Variants in ZFP91 observed in about 807,000 individuals in gnomAD.
ZFP91 encodes ZFP91 zinc finger protein, atypical E3 ubiquitin ligase.
In ZFP91, 7 loss-of-function variants were observed where a neutral mutation model predicts 63.5. The observed-to-expected ratio is 0.11, with a 90% CI of 0.06 to 0.21. The LOEUF (loss-of-function observed/expected upper bound fraction) is 0.21, where lower values mean the gene tolerates loss of function less well. Among genes scored for constraint, ZFP91 ranks in the 10% least tolerant of loss-of-function variants. The pLI is 1.00. For synonymous variants in ZFP91, 330 were observed against 272.1 expected (o/e 1.21, Z -2.10); for missense variants, 628 against 736.6 (o/e 0.85, Z 1.71).
chr11:58,614,172 T>C, intron 8 of ZFP91, 57 bp from the exon 9 acceptor site: 2 of 1,134,002 alleles, frequency 1.8e-6, no homozygotes, highest in Non-Finnish European at 2.5e-6. Context: ...CAAAGACAAG[T>C]ACTTTCAGGA....
At chr11:58,597,034 A>G (rs1467210187) in intron 2 of ZFP91, among the ~76,000 whole-genome samples, 1 of 152,206 alleles carries the variant, frequency 6.6e-6, no homozygotes, top group Non-Finnish European at 1.5e-5. Context: ...TGTTAAATTC[A>G]TGAGGTAACC....
At chr11:58,603,776 G>T (rs973029973) in intron 2 of ZFP91, among the ~76,000 whole-genome samples, 6 of 152,160 alleles carry the variant, frequency 3.9e-5, no homozygotes, top group African/African-American at 4.8e-5. Context: ...CTAGGTTTTG[G>T]ACTAACTTGG....
Position 58,614,225 on chromosome 11 carries a change from T to C in ZFP91, c.988-4T>C, listed in dbSNP as rs1458703567. Reference sequence around the variant, plus strand: ...TTTCGCCCCTTTCACTTTCTCTGTTTTAGCACCACATTAAATACCAGCATT... The same window carrying C: ...TTTCGCCCCTTTCACTTTCTCTGTTCTAGCACCACATTAAATACCAGCATT... On this transcript the variant is annotated splice_polypyrimidine_tract_variant and splice_region_variant and intron_variant, in intron 8 of 10. Coordinates refer to ENST00000316059, the MANE Select transcript of ZFP91 (RefSeq NM_053023.5). The C allele has an allele frequency of 6.3e-7, 1 of 1,587,748 alleles. No homozygotes were observed. The highest frequency in any genetic ancestry group is 1.4e-5 in the African/African-American group (1 of 73,970).
chr11:58,615,005 G>A (rs1216056427), intron 9 of ZFP91, among the ~76,000 whole-genome samples: 3 of 152,150 alleles, frequency 2.0e-5, no homozygotes, highest in Non-Finnish European at 4.4e-5. Flanking sequence ...GTCTTAGAGA[G>A]TAAGTCTAGG....
chr11:58,611,688 G>A lies in ZFP91; in HGVS notation c.807G>A (p.Glu269=). The A allele has an allele frequency of 1.2e-6, 2 of 1,612,370 alleles. No homozygotes were observed. Among genetic ancestry groups the A allele is most frequent in the Non-Finnish European group, 1.7e-6 (2 of 1,179,138 alleles). Residue 269 remains glutamate, a synonymous_variant, in exon 6 of 11, where the codon GAG becomes GAA. Coordinates refer to ENST00000316059, the MANE Select transcript of ZFP91 (RefSeq NM_053023.5). ...AAATTAAAGTGGAAGTAGAGGTGGAGGTGAAAGAAGAGGAGAATGAAATTA... is the reference window on the plus strand; with the variant it reads ...AAATTAAAGTGGAAGTAGAGGTGGAAGTGAAAGAAGAGGAGAATGAAATTA... The part of the protein sequence containing the change: ...KKEIKVEVEV[E]VKEEENEIRE...
At chr11:58,584,563 A>G (rs1367450806) in intron 1 of ZFP91, among the ~76,000 whole-genome samples, 1 of 152,154 alleles carries the variant, frequency 6.6e-6, no homozygotes, top group East Asian at 1.9e-4. Context: ...TTTGAATGAT[A>G]TTCTAGCTCT....
intron 1 of ZFP91, among the ~76,000 whole-genome samples, chr11:58,584,192 T>G (rs1386549670): frequency 3.3e-5 from 5 of 152,126 alleles, no homozygotes; most frequent in African/African-American, 1.2e-4. Context: ...GCAAGTTACA[T>G]TTACTTGTGA....
intron 2 of ZFP91, among the ~76,000 whole-genome samples, chr11:58,607,881 G>A (rs1855594275): frequency 6.6e-6 from 1 of 151,848 alleles, no homozygotes; most frequent in Non-Finnish European, 1.5e-5. Context: ...TTTGACAGAG[G>A]GTTAGGTTGT....
intron 2 of ZFP91, among the ~76,000 whole-genome samples, chr11:58,602,681 T>C (rs1855510100): frequency 6.6e-6 from 1 of 152,174 alleles, no homozygotes; most frequent in African/African-American, 2.4e-5. Flanking sequence ...CATTGAGAAA[T>C]AGGGGCTTTG....
In ZFP91 at chr11:58,579,447, C is replaced by G. The variant is rs1855047439; in HGVS notation, c.166C>G (p.Arg56Gly). 2.8e-6 allele frequency: 4 copies of G among 1,446,990 alleles called. No individual in the cohort carries two copies. The highest frequency in any genetic ancestry group is 5.8e-5 in the East Asian group (2 of 34,348). The allele number at this position is 1,446,990 out of a possible 1,614,324, so 89.6% of individuals were successfully genotyped here. A position where few individuals can be genotyped will look rare whatever the true frequency, so the allele number is the denominator to read the frequency against. ...SSRVLRGGRD[R>G]GRAAAAAAAA... is the part of the protein sequence containing the mutation. ...CCGCGTGCTGAGGGGAGGTCGGGAC[C>G]GAGGCCGGGCCGCTGCGGCCGCCGC... The change falls in exon 1 of 11, where the codon CGA becomes GGA. Residue 56 changes from arginine to glycine, a missense_variant. Arg to Gly is a moderately radical substitution (Grantham distance 125). Transcript: ENST00000316059.
At chr11:58,581,887 G>A (rs2134385841) in intron 1 of ZFP91, among the ~76,000 whole-genome samples, 1 of 152,232 alleles carries the variant, frequency 6.6e-6, no homozygotes, top group Admixed American at 6.5e-5. Flanking sequence ...TGAATTCTTA[G>A]CGCCACCCGC....
chr11:58,612,731 TG>T lies in ZFP91; in HGVS notation c.909-30del. 6 of 1,579,540 alleles carry T rather than the reference TG, an allele frequency of 3.8e-6. No individual in the cohort carries two copies. The Admixed American group carries it at 7.4e-5, about 19-fold the overall frequency. ...GTGCAGAGTACCACTTTTTTTTTTT[TG>T]CTAACTTTTCTTCTGCATTTTGATA... On this transcript the variant is annotated intron_variant, in intron 7 of 10. Transcript: ENST00000316059.
At position 58,617,361 on chromosome 11, in the gene ZFP91, G is replaced by T; in HGVS notation, c.1368G>T (p.Val456=). ...ACAAGGCAAAAAGCCACCCTGAGGT[G>T]CTGATTGCAGAAGCTCTGGCTGCCA... is the stretch of plus-strand genomic sequence containing the variant. ...VAHKAKSHPE[V]LIAEALAANA... is the part of the protein sequence containing the mutation. Residue 456 remains valine (V), a synonymous_variant, in exon 11 of 11, where the codon GTG becomes GTT. Transcript: ENST00000316059. The surrounding 1 kb of genome is among the most constrained non-coding windows in gnomAD (Gnocchi z 4.2). The T allele has an allele frequency of 6.2e-7, 1 of 1,613,904 alleles. No homozygotes were observed. The highest frequency in any genetic ancestry group is 1.3e-5 in the African/African-American group (1 of 75,044).
intron 3 of ZFP91, 89 bp from the exon 4 acceptor site, chr11:58,610,209 C>G (rs1039720582): frequency 6.9e-7 from 1 of 1,444,156 alleles, no homozygotes; most frequent in African/African-American, 1.4e-5. Flanking sequence ...TTACCCCATG[C>G]AGTAATTTGA....
chr11:58,598,316 C>G (rs1855436995), intron 2 of ZFP91, among the ~76,000 whole-genome samples: 1 of 152,008 alleles, frequency 6.6e-6, no homozygotes, highest in African/African-American at 2.4e-5. Flanking sequence ...CATGACATAA[C>G]TTAATTTTTC....
intron 2 of ZFP91, among the ~76,000 whole-genome samples, chr11:58,607,529 G>A (rs1855588181): frequency 6.6e-6 from 1 of 152,056 alleles, no homozygotes; most frequent in African/African-American, 2.4e-5. Flanking sequence ...AATGGAAAAA[G>A]ACAGCTGAAA....
At chr11:58,587,781 A>AT (rs1215750309) in intron 2 of ZFP91, among the ~76,000 whole-genome samples, 2 of 151,586 alleles carry the variant, frequency 1.3e-5, no homozygotes, top group Non-Finnish European at 2.9e-5. Context: ...ATGAAGCCTA[A>AT]TTTTTTTTTC....
intron 5 of ZFP91, 64 bp from the exon 6 acceptor site, chr11:58,611,540 T>A (rs1293969807): frequency 6.4e-7 from 1 of 1,552,944 alleles, no homozygotes; most frequent in Admixed American, 2.0e-5. Flanking sequence ...AAGCTTTAAT[T>A]TGTTGTCATA....
chr11:58,600,495 C>T (rs180910050), intron 2 of ZFP91, among the ~76,000 whole-genome samples: 7 of 152,072 alleles, frequency 4.6e-5, no homozygotes, highest in Admixed American at 4.6e-4. Flanking sequence ...ATGAATGTTA[C>T]GTGTTGGTAT....
Sources: gnomAD v4.1 joint callset for allele counts (sites outside exome capture counted in the v4.1 genomes callset) on GRCh38, gnomAD v4.1.1 for gene constraint, Gnocchi (gnomAD v3.1) non-coding constraint, MANE v1.5 for transcripts, NCBI Gene and HGNC (gene_info 2026-07-23, HGNC 2026-07-21) for gene names.